PLGRKT: variants seen among roughly 807,000 people sequenced by gnomAD.
PLGRKT encodes the protein plasminogen receptor (KT).
Under a neutral mutation model 18.5 loss-of-function variants are expected in PLGRKT, and 22 were observed. The observed-to-expected ratio is 1.19, with a 90% confidence interval of 0.85 to 1.70. PLGRKT has a LOEUF of 1.70. Ranked by LOEUF, PLGRKT falls within the 40% of genes most tolerant of loss-of-function variation. PLGRKT has a pLI of 0.00. For missense variants in PLGRKT, 235 were observed against 174.4 expected, an observed-to-expected ratio of 1.35 and a Z score of -1.96; for synonymous variants, 72 against 52.8, an observed-to-expected ratio of 1.36 and a Z score of -1.58.
chr9:5,366,404 A>C (rs1230316984), intron 3 of PLGRKT, among the ~76,000 whole-genome samples: 3 of 152,124 alleles, frequency 2.0e-5, no homozygotes, highest in Admixed American at 2.0e-4. Context: ...TATAATAATA[A>C]TTTTCTTATC....
intron 3 of PLGRKT, among the ~76,000 whole-genome samples, chr9:5,420,646 A>G (rs755552874): frequency 2.5e-4 from 38 of 152,122 alleles, no homozygotes; most frequent in Non-Finnish European, 4.1e-4. Context: ...GTCCGCTCAT[A>G]CTTCTAGTCT....
chr9:5,411,386 AAAAAAAAAAAAAAG>A (rs965681022), intron 3 of PLGRKT, among the ~76,000 whole-genome samples: 1 of 146,432 alleles, frequency 6.8e-6, no homozygotes, highest in African/African-American at 2.6e-5. Flanking sequence ...CCCTGTTTCA[AAAAAAAAAAAAAAG>A]AAAAGAAAAG....
At position 5,358,314 on chromosome 9, in the gene PLGRKT, C is replaced by G; in HGVS notation, c.369G>C (p.Leu123=). The G allele has an allele frequency of 6.2e-7, 1 of 1,609,496 alleles. No individual in the cohort carries two copies. The highest frequency in any genetic ancestry group is 8.5e-7 in the Non-Finnish European group (1 of 1,176,112). The change falls in exon 6 of 6, where the codon CTG becomes CTC. Residue 123 remains leucine, a synonymous_variant. Transcript: ENST00000223864. ...ILETEKSKLQ[L]PRGMITFESI... The stretch of plus-strand genomic sequence containing the variant: ...TTTCAAAAGTGATCATTCCTCTTGG[C>G]AGCTGCAATTTACTCTTTTCTGTTT...
chr9:5,424,269 A>G (rs1269870190), intron 3 of PLGRKT, among the ~76,000 whole-genome samples: 1 of 137,380 alleles, frequency 7.3e-6, no homozygotes, highest in East Asian at 2.0e-4. Context: ...TATATGTCAT[A>G]TATTATATAT....
intron 3 of PLGRKT, among the ~76,000 whole-genome samples, chr9:5,384,041 A>T (rs376704508): frequency 6.6e-6 from 1 of 152,224 alleles, no homozygotes; most frequent in Admixed American, 6.5e-5. Flanking sequence ...GCGCCTGACC[A>T]TTTGTGGCAG....
Position 5,403,214 on chromosome 9 carries a change from ATTC to A in PLGRKT, c.81+28680_81+28682del, listed in dbSNP as rs201851370. 3.0e-3 allele frequency among the ~76,000 whole-genome samples: 439 copies of A among 146,694 alleles called. 11 individuals carry two copies. In the East Asian group the frequency reaches 0.067, roughly 22 times the overall value. ...GTTGAGAGGTTGAGGTTGCTAAATG[ATTC>A]TTTTTTCTTTTTTTTTTTTTTTTGA... On this transcript the variant is annotated intron_variant, in intron 3 of 5. Coordinates refer to ENST00000223864, the MANE Select transcript of PLGRKT (RefSeq NM_018465.4).
chr9:5,391,655 C>G (rs762107825), intron 3 of PLGRKT, among the ~76,000 whole-genome samples: 22 of 151,866 alleles, frequency 1.4e-4, no homozygotes, highest in Non-Finnish European at 3.1e-4. Flanking sequence ...GGCATTGAGG[C>G]AAGAGTAAGG....
chr9:5,436,167 A>T (rs1416391495), intron 2 of PLGRKT, among the ~76,000 whole-genome samples: 1 of 152,174 alleles, frequency 6.6e-6, no homozygotes, highest in Non-Finnish European at 1.5e-5. Flanking sequence ...TCCAAACCCT[A>T]ACAGTCCCAT....
At chr9:5,428,028 G>A in intron 3 of PLGRKT, among the ~76,000 whole-genome samples, 1 of 152,130 alleles carries the variant, frequency 6.6e-6, no homozygotes, top group East Asian at 1.9e-4. Flanking sequence ...GAGAAGGGAG[G>A]ATGTTATCAA....
At chr9:5,406,231 C>T (rs753679834) in intron 3 of PLGRKT, among the ~76,000 whole-genome samples, 7 of 152,138 alleles carry the variant, frequency 4.6e-5, no homozygotes, top group Admixed American at 4.6e-4. Context: ...ACCGAAAATA[C>T]CATTTGACCC....
At chr9:5,404,034 T>C (rs112676637) in intron 3 of PLGRKT, among the ~76,000 whole-genome samples, 1,854 of 152,190 alleles carry the variant, frequency 0.012, 33 homozygotes, top group African/African-American at 0.043. Context: ...CTAGAAGAAA[T>C]GGGTACATTC....
intron 2 of PLGRKT, 98 bp from the exon 3 acceptor site, chr9:5,432,081 A>C: frequency 1.6e-6 from 1 of 616,122 alleles, no homozygotes; most frequent in Non-Finnish European, 2.9e-6. Context: ...CAAAGTAAAA[A>C]AAAAAAGTAA....
At chr9:5,373,154 T>G (rs1393687622) in intron 3 of PLGRKT, among the ~76,000 whole-genome samples, 1 of 152,224 alleles carries the variant, frequency 6.6e-6, no homozygotes, top group Non-Finnish European at 1.5e-5. Context: ...ATCTGGGGTA[T>G]AGACTGACCC....
chr9:5,412,184 T>C (rs180952551), intron 3 of PLGRKT, among the ~76,000 whole-genome samples: 1 of 152,170 alleles, frequency 6.6e-6, no homozygotes, highest in African/African-American at 2.4e-5. Context: ...ACAGGTAGTA[T>C]CTCAACTCAC....
At chr9:5,434,963 T>C (rs1446986723) in intron 2 of PLGRKT, among the ~76,000 whole-genome samples, 3 of 152,060 alleles carry the variant, frequency 2.0e-5, no homozygotes, top group Non-Finnish European at 4.4e-5. Context: ...CTCCATTTTG[T>C]TCTGTACTAA....
intron 3 of PLGRKT, among the ~76,000 whole-genome samples, chr9:5,405,173 C>T (rs918207193): frequency 6.6e-6 from 1 of 152,136 alleles, no homozygotes; most frequent in Non-Finnish European, 1.5e-5. Flanking sequence ...GTAAAAATGG[C>T]CATACTGCCC....
chr9:5,437,158 T>C (rs1216449568), intron 1 of PLGRKT, among the ~76,000 whole-genome samples: 1 of 152,162 alleles, frequency 6.6e-6, no homozygotes, highest in Non-Finnish European at 1.5e-5. Context: ...TATGGGAAGG[T>C]GTATTTCTGG....
At chr9:5,406,735 C>T (rs1340502737) in intron 3 of PLGRKT, among the ~76,000 whole-genome samples, 2 of 152,110 alleles carry the variant, frequency 1.3e-5, no homozygotes, top group Non-Finnish European at 2.9e-5. Context: ...ACAAAATGCA[C>T]ATCCTACACA....
intron 2 of PLGRKT, among the ~76,000 whole-genome samples, chr9:5,436,352 G>C (rs1397422865): frequency 6.6e-6 from 1 of 152,196 alleles, no homozygotes; most frequent in South Asian, 2.1e-4. Flanking sequence ...TCTGAACATA[G>C]GAGTGGATGA....
Sources: gnomAD v4.1 joint callset for allele counts (sites outside exome capture counted in the v4.1 genomes callset) on GRCh38, gnomAD v4.1.1 for gene constraint, MANE v1.5 for transcripts, NCBI Gene and HGNC (gene_info 2026-07-23, HGNC 2026-07-21) for gene names.